BIRC6: variants seen among roughly 807,000 people sequenced by gnomAD.
BIRC6 encodes the protein baculoviral IAP repeat containing 6.
Under a neutral mutation model 503.3 loss-of-function variants are expected in BIRC6, and 98 were observed. The observed-to-expected ratio is 0.19, with a 90% CI of 0.17 to 0.23. The LOEUF (loss-of-function observed/expected upper bound fraction) is 0.23, where lower values mean the gene tolerates loss of function less well. Ranked by LOEUF, BIRC6 falls within the 10% of genes least tolerant of loss-of-function variation. The probability of loss-of-function intolerance (pLI) is 1.00; values close to 1 mark genes in which losing one functional copy is unlikely to be tolerated. For missense variants in BIRC6, 5,360 were observed against 5,806.0 expected, an observed-to-expected ratio of 0.92 and a Z score of 2.50; for synonymous variants, 2,240 against 2,078.7, an observed-to-expected ratio of 1.08 and a Z score of -2.11.
In BIRC6 at chr2:32,515,332, G is replaced by T; in HGVS notation, c.10911G>T (p.Arg3637Ser). 6.2e-7 allele frequency: 1 copy of T among 1,613,812 alleles called. No homozygotes were observed. The highest frequency in any genetic ancestry group is 2.2e-5 in the East Asian group (1 of 44,866). The change falls in exon 55 of 74, where the codon AGG becomes AGT. Residue 3637 changes from arginine (R) to serine (S), a missense_variant. Around this residue, in one of 16 missense-constraint regions of BIRC6, gnomAD observed 878 missense variants for 928.9 expected, o/e 0.95. Transcript: ENST00000421745. ...LDSGLPSLLV[R>S]SLASFCFSHI... Reference sequence around the variant, plus strand: ...CAGGTTTGCCTTCTCTTCTTGTGAGGAGTCTGGCTAGTTTCTGCTTTAGCC... The same window carrying T: ...CAGGTTTGCCTTCTCTTCTTGTGAGTAGTCTGGCTAGTTTCTGCTTTAGCC...
rs79669741 is a variant in BIRC6, at chr2:32,378,466, T to A, written c.507+697T>A. Among the ~76,000 whole-genome samples, 982 of 152,120 alleles carry A rather than the reference T, an allele frequency of 6.5e-3. 11 individuals are homozygous for A. Among genetic ancestry groups the A allele is most frequent in the African/African-American group, 0.022 (933 of 41,500 alleles). On this transcript the variant is annotated intron_variant, in intron 2 of 73. Transcript: ENST00000421745. ...CTGGTAAAACAGCAGTAATTTTTTTTTTTTTCTTTGAGTCAGAGTCTTGCT... is the reference window on the plus strand; with the variant it reads ...CTGGTAAAACAGCAGTAATTTTTTTATTTTTCTTTGAGTCAGAGTCTTGCT...
intron 54 of BIRC6, 31 bp downstream of exon 54, chr2:32,513,185 C>A: frequency 6.5e-7 from 1 of 1,530,354 alleles, no homozygotes; most frequent in Non-Finnish European, 9.0e-7. Flanking sequence ...CTTTTTTATC[C>A]CCCAGTACTA....
In BIRC6 at chr2:32,587,702, C is replaced by T. The variant is rs146802423; in HGVS notation, c.13356-6213C>T. Among the ~76,000 whole-genome samples the T allele has an allele frequency of 5.4e-3, 826 of 152,176 alleles. 11 individuals are homozygous for T. The highest frequency in any genetic ancestry group is 0.019 in the African/African-American group (773 of 41,528). ...TCACGCCACTGCACTCCATCCTGTGCGACAGAGCGAGAATCTATCTCAGAA... is the reference window on the plus strand; with the variant it reads ...TCACGCCACTGCACTCCATCCTGTGTGACAGAGCGAGAATCTATCTCAGAA... On this transcript the variant is annotated intron_variant, in intron 66 of 73. Transcript: ENST00000421745.
intron 10 of BIRC6, among the ~76,000 whole-genome samples, chr2:32,419,221 C>T (rs2042691556): frequency 6.6e-6 from 1 of 152,152 alleles, no homozygotes; most frequent in African/African-American, 2.4e-5. Context: ...TAAAAAGCAT[C>T]TCAGACTGAA....
intron 8 of BIRC6, among the ~76,000 whole-genome samples, chr2:32,402,909 T>C (rs1248599712): frequency 6.6e-6 from 1 of 152,218 alleles, no homozygotes; most frequent in Non-Finnish European, 1.5e-5. Context: ...CATACACATA[T>C]AGTCACACCC....
At chr2:32,512,899 A>G (rs2054588679) in intron 53 of BIRC6, 34 bp from the exon 54 acceptor site, 1 of 1,561,378 alleles carries the variant, frequency 6.4e-7, no homozygotes, top group East Asian at 2.2e-5. Flanking sequence ...TGCACTATAT[A>G]GTTGGTTATA....
At chr2:32,386,866 C>A (rs1558587749) in intron 3 of BIRC6, among the ~76,000 whole-genome samples, 1 of 151,988 alleles carries the variant, frequency 6.6e-6, no homozygotes, top group Non-Finnish European at 1.5e-5. Flanking sequence ...ATATTACTGG[C>A]CCACAGAGAA....
At chr2:32,543,134 A>T in intron 61 of BIRC6, 107 bp from the exon 62 acceptor site, 1 of 1,233,290 alleles carries the variant, frequency 8.1e-7, no homozygotes, top group Non-Finnish European at 1.1e-6. Flanking sequence ...AGCTTTATTA[A>T]TCCTTATAAT....
At chr2:32,502,714 G>T (rs2053339278) in intron 47 of BIRC6, 81 bp from the exon 48 acceptor site, 1 of 1,041,698 alleles carries the variant, frequency 9.6e-7, no homozygotes, top group Non-Finnish European at 1.4e-6. Context: ...AAATTAACTA[G>T]GAAGGAATAT....
Position 32,430,991 on chromosome 2 carries a change from A to C in BIRC6, c.3149A>C (p.Gln1050Pro), listed in dbSNP as rs1219408447. ...ATVPPCWVEV[Q>P]QEQQQRRHPQ... ...GTTCCTCCATGCTGGGTAGAAGTTC[A>C]ACAAGAACAGCAGCAAAGGAGGCAT... The change falls in exon 12 of 74, where the codon CAA (glutamine) becomes CCA (proline). Residue 1050 changes from glutamine (Q) to proline (P), a missense_variant. Physicochemically the swap from Gln to Pro is moderately conservative, Grantham distance 76. This residue lies in a region of BIRC6 where 700 missense variants were observed against 739.3 expected (regional missense o/e 0.95). Coordinates refer to ENST00000421745, the MANE Select transcript of BIRC6 (RefSeq NM_016252.4). The C allele has an allele frequency of 1.9e-6, 3 of 1,613,304 alleles. No homozygotes were observed.
intron 61 of BIRC6, among the ~76,000 whole-genome samples, chr2:32,538,560 C>T (rs772858972): frequency 3.3e-5 from 5 of 152,202 alleles, no homozygotes; most frequent in South Asian, 2.1e-4. Flanking sequence ...CAATAATTTA[C>T]GTATCTGCTA....
chr2:32,613,652 G>A (rs886817917), intron 73 of BIRC6, among the ~76,000 whole-genome samples: 2 of 152,044 alleles, frequency 1.3e-5, no homozygotes, highest in Admixed American at 6.6e-5. Flanking sequence ...ACCGCGCCCC[G>A]CCTGACTGAT....
chr2:32,543,211 G>T, intron 61 of BIRC6, 30 bp from the exon 62 acceptor site: 1 of 1,598,106 alleles, frequency 6.3e-7, no homozygotes, highest in South Asian at 1.1e-5. Flanking sequence ...AAATGTGAAT[G>T]GCCAAGCCAA....
chr2:32,597,710 T>G, intron 68 of BIRC6, 41 bp from the exon 69 acceptor site: 1 of 1,452,380 alleles, frequency 6.9e-7, no homozygotes, highest in Non-Finnish European at 9.6e-7. Context: ...ATTATAACAA[T>G]TTTTTGCAGT....
intron 37 of BIRC6, among the ~76,000 whole-genome samples, chr2:32,479,830 A>G (rs997564821): frequency 1.3e-5 from 2 of 152,178 alleles, no homozygotes; most frequent in African/African-American, 4.8e-5. Context: ...AATTATGTTG[A>G]TATAGTGTGA....
intron 1 of BIRC6, among the ~76,000 whole-genome samples, chr2:32,361,659 C>G (rs970928285): frequency 2.6e-5 from 4 of 152,224 alleles, no homozygotes; most frequent in African/African-American, 7.2e-5. Flanking sequence ...TAAAGATCCC[C>G]TGCTCTGCCT....
At chr2:32,512,151 A>C (rs993153898) in intron 53 of BIRC6, among the ~76,000 whole-genome samples, 1 of 152,162 alleles carries the variant, frequency 6.6e-6, no homozygotes, top group Non-Finnish European at 1.5e-5. Context: ...TTGTCTTCTG[A>C]ATTCTCTTTA....
intron 34 of BIRC6, among the ~76,000 whole-genome samples, chr2:32,476,627 G>T (rs1437762953): frequency 6.6e-6 from 1 of 152,150 alleles, no homozygotes; most frequent in African/African-American, 2.4e-5. Flanking sequence ...TGATAGAGCA[G>T]TTTATTTCCA....
At chr2:32,422,941 AT>A (rs991648091) in intron 10 of BIRC6, among the ~76,000 whole-genome samples, 1 of 151,792 alleles carries the variant, frequency 6.6e-6, no homozygotes, top group African/African-American at 2.4e-5. Flanking sequence ...GGGGCTCTCT[AT>A]TTTTTTATTT....
Sources: allele counts gnomAD v4.1 joint callset (sites outside exome capture counted in the v4.1 genomes callset), GRCh38; gene constraint gnomAD v4.1.1; regional missense constraint gnomAD v4.1.1; transcripts MANE v1.5; gene names NCBI Gene and HGNC (gene_info 2026-07-23, HGNC 2026-07-21).